Variants in FMO1 observed in about 807,000 individuals in gnomAD.
FMO1 encodes the protein flavin containing dimethylaniline monoxygenase 1.
A neutral mutation model predicts 45.4 loss-of-function variants in FMO1; 36 were observed. That is an observed-to-expected ratio of 0.79 (90% CI 0.61 to 1.05). The LOEUF is 1.05. Among genes scored for constraint, FMO1 ranks in the 50% least tolerant of loss-of-function variants. FMO1 has a pLI of 0.00. For missense variants in FMO1, 615 were observed against 640.3 expected, an observed-to-expected ratio of 0.96 and a Z score of 0.43; for synonymous variants, 228 against 227.2, an observed-to-expected ratio of 1.00 and a Z score of -0.03.
chr1:171,262,625 T>G (rs1428495927), intron 2 of FMO1, among the ~76,000 whole-genome samples: 1 of 152,258 alleles, frequency 6.6e-6, no homozygotes, highest in African/African-American at 2.4e-5. Context: ...ATCACAAGAA[T>G]AGTTCCTCAA....
intron 4 of FMO1, among the ~76,000 whole-genome samples, chr1:171,278,207 A>G (rs1661187176): frequency 6.6e-6 from 1 of 152,146 alleles, no homozygotes; most frequent in South Asian, 2.1e-4. Flanking sequence ...GAACTTCTCC[A>G]ACTAACATGA....
At chr1:171,275,547 G>T (rs1205972352) in intron 4 of FMO1, 39 bp downstream of exon 4, 1 of 1,504,400 alleles carries the variant, frequency 6.6e-7, no homozygotes, top group South Asian at 1.2e-5. Flanking sequence ...GTTTTCTCGT[G>T]GGAGCCATTC....
At chr1:171,250,377 C>A (rs1558000153) in intron 1 of FMO1, among the ~76,000 whole-genome samples, 1 of 152,190 alleles carries the variant, frequency 6.6e-6, no homozygotes, top group Admixed American at 6.5e-5. Context: ...CTACTTTCAG[C>A]TAATACTTAG....
rs1661311014 is a variant in FMO1 at position 171,280,695 on chromosome 1, C to T, written c.628-91C>T. 4 of 1,083,890 alleles carry T rather than the reference C, an allele frequency of 3.7e-6. No individual in the cohort carries two copies. The Admixed American group carries it at 7.2e-5, about 20-fold the overall frequency. The allele number at this position is 1,083,890 out of a possible 1,614,324, so 67.1% of individuals were successfully genotyped here. ...TTGAGAGTGGCAGACTTTTCAGTGC[C>T]TTTCCATTCATGACACTTCTTGAAT... On this transcript the variant is annotated intron_variant, in intron 5 of 8. Coordinates refer to ENST00000617670, the MANE Select transcript of FMO1 (RefSeq NM_001282693.2).
chr1:171,272,818 T>C (rs28741371), intron 3 of FMO1, among the ~76,000 whole-genome samples: 18 of 152,176 alleles, frequency 1.2e-4, no homozygotes, highest in Admixed American at 1.0e-3. Context: ...TACAGGCTCA[T>C]AGGTGGAAGG....
chr1:171,278,812 A>G lies in FMO1; in HGVS notation c.568A>G (p.Ile190Val). The change falls in exon 5 of 9, where the codon ATT becomes GTT. Residue 190 changes from isoleucine to valine, a missense_variant. By Grantham distance (29) the Ile-to-Val change is conservative. Coordinates refer to ENST00000617670, the MANE Select transcript of FMO1 (RefSeq NM_001282693.2). ...ATTTAAGGACAAGAGAGTCCTTGTG[A>G]TTGGAATGGGAAATTCTGGCACAGA... Reference protein sequence around the residue: ...DIFKDKRVLVIGMGNSGTDIA... With the variant: ...DIFKDKRVLVVGMGNSGTDIA... 6.2e-7 allele frequency: 1 copy of G among 1,613,032 alleles called. No homozygotes were observed. Among genetic ancestry groups the G allele is most frequent in the South Asian group, 1.1e-5 (1 of 90,952 alleles).
At position 171,285,497 on chromosome 1, in the gene FMO1, T is replaced by C; in HGVS notation, c.1552T>C (p.Phe518Leu). Reference protein sequence around the residue: ...PSPFESFLKVFSFLALLVAIF... With the variant: ...PSPFESFLKVLSFLALLVAIF... ...TCCCTTTGAAAGTTTTCTTAAAGTC[T>C]TTAGCTTTCTGGCTTTGCTTGTGGC... The change falls in exon 9 of 9, where the codon TTT becomes CTT. Residue 518 changes from phenylalanine to leucine, a missense_variant. Transcript: ENST00000617670. 6.6e-7 allele frequency: 1 copy of C among 1,520,150 alleles called. No homozygotes were observed. The highest frequency in any genetic ancestry group is 8.8e-7 in the Non-Finnish European group (1 of 1,136,500). 94.2% of individuals were successfully genotyped at this position (1,520,150 alleles called of 1,614,324 possible).
chr1:171,280,504 A>G (rs742349), intron 5 of FMO1, among the ~76,000 whole-genome samples: 5,508 of 152,222 alleles, frequency 0.036, 356 homozygotes, highest in African/African-American at 0.13. Context: ...GTTTTCTTAC[A>G]TAGACTTTAG....
At chr1:171,270,993 C>A in intron 3 of FMO1, 2 of 936,522 alleles carry the variant, frequency 2.1e-6, no homozygotes, top group Non-Finnish European at 1.7e-6. Context: ...CATCTACCTC[C>A]TCATCATAAT....
intron 3 of FMO1, among the ~76,000 whole-genome samples, chr1:171,274,724 G>C (rs12094878): frequency 0.22 from 33,646 of 152,038 alleles, 5,531 homozygotes; most frequent in African/African-American, 0.46. Flanking sequence ...TTTTAAATTT[G>C]ACTTGTCTGA....
chr1:171,258,063 C>T lies in FMO1; in HGVS notation c.-6-19C>T. The T allele has an allele frequency of 6.2e-7, 1 of 1,613,818 alleles. No individual in the cohort carries two copies. The highest frequency in any genetic ancestry group is 8.5e-7 in the Non-Finnish European group (1 of 1,179,840). On this transcript the variant is annotated intron_variant, in intron 1 of 8. Coordinates refer to ENST00000617670, the MANE Select transcript of FMO1 (RefSeq NM_001282693.2). ...GTGGAGCTTGTGAATAAAAAGCCTG[C>T]TTCATCTTCCTCATGCAGGAGAACA...
intron 3 of FMO1, chr1:171,271,246 C>T (rs985639544): frequency 1.9e-6 from 2 of 1,037,700 alleles, no homozygotes; most frequent in African/African-American, 3.2e-5. Flanking sequence ...AAGTTGTTCT[C>T]CTTTAATTTT....
rs1661066657 is a variant in FMO1 at position 171,275,406 on chromosome 1, G to A, written c.382G>A (p.Val128Ile). The A allele has an allele frequency of 6.2e-7, 1 of 1,613,808 alleles. No homozygotes were observed. Among genetic ancestry groups the A allele is most frequent in the East Asian group, 2.2e-5 (1 of 44,876 alleles). The change falls in exon 4 of 9, where the codon GTC becomes ATC. Residue 128 changes from valine (V) to isoleucine (I), a missense_variant. Val to Ile is a conservative substitution (Grantham distance 29). Coordinates refer to ENST00000617670, the MANE Select transcript of FMO1 (RefSeq NM_001282693.2). ...TGCTGTCTCTGGCCAATGGGAGGTG[G>A]TCACTATGCATGAAGAGAAGCAAGA... ...DSAVSGQWEV[V>I]TMHEEKQESA...
intron 3 of FMO1, chr1:171,271,572 G>GACTA: frequency 1.2e-6 from 1 of 803,228 alleles, no homozygotes; most frequent in South Asian, 1.3e-5. Context: ...TGGCTTCTTA[G>GACTA]AATCTCCTTT....
At chr1:171,257,709 C>A (rs999168203) in intron 1 of FMO1, 3 of 247,900 alleles carry the variant, frequency 1.2e-5, no homozygotes, top group African/African-American at 2.3e-5. Flanking sequence ...GACAAGGTGA[C>A]CTTTTCCTAG....
chr1:171,282,940 C>A, intron 7 of FMO1: 1 of 443,054 alleles, frequency 2.3e-6, no homozygotes, highest in Non-Finnish European at 4.1e-6. Flanking sequence ...GTGAGATGAC[C>A]AGATGCTTAT....
intron 8 of FMO1, among the ~76,000 whole-genome samples, chr1:171,284,764 G>C (rs1318667517): frequency 1.3e-5 from 2 of 149,906 alleles, no homozygotes; most frequent in Non-Finnish European, 3.0e-5. Context: ...AAAAAGAAAA[G>C]GAAAAGAAAA....
intron 4 of FMO1, among the ~76,000 whole-genome samples, chr1:171,276,679 G>A (rs1320511416): frequency 6.6e-6 from 1 of 152,168 alleles, no homozygotes; most frequent in African/African-American, 2.4e-5. Context: ...ACCTGTATTG[G>A]AGGAATGAAT....
intron 1 of FMO1, chr1:171,257,725 T>G (rs1660218952): frequency 3.6e-6 from 1 of 274,192 alleles, no homozygotes; most frequent in Admixed American, 4.9e-5. Context: ...CCTAGTCTGC[T>G]GATCTATGCA....
Sources: gnomAD v4.1 joint callset for allele counts (sites outside exome capture counted in the v4.1 genomes callset) on GRCh38, gnomAD v4.1.1 for gene constraint, MANE v1.5 for transcripts, NCBI Gene and HGNC (gene_info 2026-07-23, HGNC 2026-07-21) for gene names.